The following CNTNAP2 variants were observed in gnomAD, a reference collection of about 807,000 sequenced individuals.
The protein encoded by CNTNAP2 is contactin associated protein 2.
Under a neutral mutation model 155.2 loss-of-function variants are expected in CNTNAP2, and 98 were observed. The ratio of observed to expected loss-of-function variants is 0.63; its 90% CI spans 0.54 to 0.75. The LOEUF (loss-of-function observed/expected upper bound fraction) is 0.75, where lower values mean the gene tolerates loss of function less well. Ranked by LOEUF, CNTNAP2 falls within the 30% of genes least tolerant of loss-of-function variation. The probability of loss-of-function intolerance (pLI) is 0.00; values close to 1 mark genes in which losing one functional copy is unlikely to be tolerated. For synonymous variants in CNTNAP2, 651 were observed against 631.2 expected (o/e 1.03, Z -0.47); for missense variants, 1,727 against 1,688.1 (o/e 1.02, Z -0.40).
At chr7:147,022,288 C>T (rs935600313) in intron 3 of CNTNAP2, among the ~76,000 whole-genome samples, 7 of 152,050 alleles carry the variant, frequency 4.6e-5, no homozygotes, top group Admixed American at 4.6e-4. Flanking sequence ...ACAGCTGTGA[C>T]GAGTTCACTA....
At chr7:147,897,998 C>T (rs549528094) in intron 13 of CNTNAP2, among the ~76,000 whole-genome samples, 2 of 152,312 alleles carry the variant, frequency 1.3e-5, no homozygotes, top group East Asian at 1.9e-4. Flanking sequence ...AGAAAGCGGG[C>T]ATGTTTCTCC....
intron 13 of CNTNAP2, among the ~76,000 whole-genome samples, chr7:147,731,035 A>C (rs1796730676): frequency 6.6e-6 from 1 of 152,150 alleles, no homozygotes; most frequent in South Asian, 2.1e-4. Context: ...CAGAAGAAAA[A>C]TTTGAAGCTA....
At chr7:146,451,855 C>CATACG (rs1397144486) in intron 1 of CNTNAP2, among the ~76,000 whole-genome samples, 2 of 131,474 alleles carry the variant, frequency 1.5e-5, no homozygotes, top group Non-Finnish European at 3.2e-5. Context: ...TACACGTATT[C>CATACG]TATATATATA....
Position 147,279,973 on chromosome 7 carries a change from A to G in CNTNAP2, c.1349-20168A>G, listed in dbSNP as rs536544200. ...ATTTGTTCTTAAATTCTGTCTGCAG[A>G]GCACAGTGAACAATTCAAGTCTACA... is the stretch of plus-strand genomic sequence containing the variant. On this transcript the variant is annotated intron_variant, in intron 8 of 23. Transcript: ENST00000361727. Among the ~76,000 whole-genome samples, 133 of 152,032 alleles carry G rather than the reference A, an allele frequency of 8.7e-4. 2 individuals carry two copies. The highest frequency in any genetic ancestry group is 3.1e-3 in the African/African-American group (130 of 41,538).
At chr7:147,560,572 T>C (rs1288364521) in intron 11 of CNTNAP2, among the ~76,000 whole-genome samples, 1 of 152,110 alleles carries the variant, frequency 6.6e-6, no homozygotes, top group Non-Finnish European at 1.5e-5. Flanking sequence ...TTGCCGAGCT[T>C]TCTAGCCCCA....
chr7:147,251,601 A>C (rs931596562), intron 8 of CNTNAP2, among the ~76,000 whole-genome samples: 2 of 152,126 alleles, frequency 1.3e-5, no homozygotes, highest in Admixed American at 6.6e-5. Context: ...TGATGATTGA[A>C]ATAGCATTGG....
chr7:147,047,985 A>G (rs1212234448), intron 4 of CNTNAP2, among the ~76,000 whole-genome samples: 1 of 152,136 alleles, frequency 6.6e-6, no homozygotes, highest in Non-Finnish European at 1.5e-5. Flanking sequence ...CTATCATAAC[A>G]TAAAGCCTTT....
intron 1 of CNTNAP2, among the ~76,000 whole-genome samples, chr7:146,267,162 C>T (rs1417318375): frequency 6.6e-6 from 1 of 152,096 alleles, no homozygotes; most frequent in Non-Finnish European, 1.5e-5. Flanking sequence ...GCTGTAAATG[C>T]TGAGGACTGT....
chr7:148,174,422 C>T (rs1050064374), intron 18 of CNTNAP2, among the ~76,000 whole-genome samples: 3 of 151,976 alleles, frequency 2.0e-5, no homozygotes, highest in African/African-American at 7.3e-5. Flanking sequence ...CTGTGACCGC[C>T]CCCCACCTCA....
Position 147,857,904 on chromosome 7 carries a change from G to T in CNTNAP2, c.2099-45661G>T, listed in dbSNP as rs115798027. Among the ~76,000 whole-genome samples, 617 of 152,264 alleles carry T rather than the reference G, an allele frequency of 4.1e-3. 2 individuals carry two copies. The highest frequency in any genetic ancestry group is 0.014 in the African/African-American group (587 of 41,560). ...TATTGTTAAAATAGTGTGAGTCACA[G>T]CAAGAACATGGACAATATCAATTCC... On this transcript the variant is annotated intron_variant, in intron 13 of 23. Coordinates refer to ENST00000361727, the MANE Select transcript of CNTNAP2 (RefSeq NM_014141.6).
intron 1 of CNTNAP2, among the ~76,000 whole-genome samples, chr7:146,635,009 G>C (rs1169209087): frequency 1.3e-5 from 2 of 152,108 alleles, no homozygotes; most frequent in Non-Finnish European, 2.9e-5. Flanking sequence ...ACTTAAACTA[G>C]TCATGTATTT....
intron 3 of CNTNAP2, among the ~76,000 whole-genome samples, chr7:146,851,650 C>CTGTG (rs71165041): frequency 0.02 from 2,657 of 133,016 alleles, 29 homozygotes; most frequent in East Asian, 0.043. Flanking sequence ...CATCTTTCTT[C>CTGTG]TGTGTGTGTG....
intron 12 of CNTNAP2, among the ~76,000 whole-genome samples, chr7:147,594,808 G>A (rs1800798239): frequency 6.6e-6 from 1 of 152,124 alleles, no homozygotes; most frequent in African/African-American, 2.4e-5. Flanking sequence ...AAGCTCTAAA[G>A]TAAGAAGCAA....
At chr7:148,373,616 C>T (rs896168248) in intron 21 of CNTNAP2, among the ~76,000 whole-genome samples, 2 of 152,214 alleles carry the variant, frequency 1.3e-5, no homozygotes, top group African/African-American at 2.4e-5. Flanking sequence ...TATGTGGTGC[C>T]TGACTGTACT....
chr7:147,295,983 T>C (rs1055591736), intron 8 of CNTNAP2, among the ~76,000 whole-genome samples: 1 of 152,166 alleles, frequency 6.6e-6, no homozygotes. Context: ...ATTAGAATAA[T>C]AGACCTTTTG....
At chr7:146,706,106 G>A (rs1800960935) in intron 1 of CNTNAP2, among the ~76,000 whole-genome samples, 1 of 150,670 alleles carries the variant, frequency 6.6e-6, no homozygotes, top group Non-Finnish European at 1.5e-5. Flanking sequence ...ACCCCTACCA[G>A]TCATGACAAT....
In CNTNAP2 at chr7:147,635,637, T is replaced by C. The variant is rs369000718; in HGVS notation, c.1898-3469T>C. 7.2e-5 allele frequency among the ~76,000 whole-genome samples: 11 copies of C among 152,304 alleles called. No individual in the cohort carries two copies. In the East Asian group the frequency reaches 1.7e-3, roughly 24 times the overall value. Reference sequence around the variant, plus strand: ...GTAGAGTTTAGGGCTGAGAAGTCACTAGGAACAAATCAGTAGAGACTCTTC... The same window carrying C: ...GTAGAGTTTAGGGCTGAGAAGTCACCAGGAACAAATCAGTAGAGACTCTTC... On this transcript the variant is annotated intron_variant, in intron 12 of 23. Coordinates refer to ENST00000361727, the MANE Select transcript of CNTNAP2 (RefSeq NM_014141.6).
chr7:146,411,914 A>G (rs1718099), intron 1 of CNTNAP2, among the ~76,000 whole-genome samples: 67,682 of 151,420 alleles, frequency 0.45, 18,269 homozygotes, highest in African/African-American at 0.76. Flanking sequence ...TCAGCTCACT[A>G]CAACATCCGC....
chr7:147,973,160 T>TAAAAAAAAAAAAAAAAAAAAAA (rs35756000), intron 14 of CNTNAP2, among the ~76,000 whole-genome samples: 7 of 120,854 alleles, frequency 5.8e-5, no homozygotes, highest in African/African-American at 2.4e-4. Flanking sequence ...TCTCTAAAAT[T>TAAAAAAAAAAAAAAAAAAAAAA]AAAAAAAAAA....
Sources: allele counts gnomAD v4.1 joint callset (sites outside exome capture counted in the v4.1 genomes callset), GRCh38; gene constraint gnomAD v4.1.1; transcripts MANE v1.5; gene names NCBI Gene and HGNC (gene_info 2026-07-23, HGNC 2026-07-21).